Variants in ATR observed in about 807,000 individuals in gnomAD.
The protein encoded by ATR is ATR checkpoint kinase.
A neutral mutation model predicts 305.3 loss-of-function variants in ATR; 142 were observed. That is an observed-to-expected ratio of 0.47 (90% CI 0.41 to 0.53). ATR has a LOEUF of 0.53. Among genes scored for constraint, ATR ranks in the 20% least tolerant of loss-of-function variants. The pLI, the probability that ATR is intolerant of heterozygous loss-of-function variation, is 0.00. For synonymous variants in ATR, 1,050 were observed against 1,068.1 expected (o/e 0.98, Z 0.33); for missense variants, 2,135 against 3,133.1 (o/e 0.68, Z 7.60).
intron 35 of ATR, among the ~76,000 whole-genome samples, chr3:142,487,365 C>T (rs1255635969): frequency 2.0e-5 from 3 of 152,114 alleles, no homozygotes; most frequent in South Asian, 2.1e-4. Flanking sequence ...TTGAACTCCT[C>T]AGCTCAAGCA....
intron 46 of ATR, chr3:142,452,718 T>C: frequency 9.4e-7 from 1 of 1,064,440 alleles, no homozygotes; most frequent in Non-Finnish European, 1.1e-6. Context: ...ACAACAAAAC[T>C]ATCTGCAAAC....
chr3:142,455,987 T>C (rs945114181), intron 45 of ATR, among the ~76,000 whole-genome samples: 7 of 152,176 alleles, frequency 4.6e-5, no homozygotes, highest in African/African-American at 1.7e-4. Flanking sequence ...GAAAATCATA[T>C]CTTAAAAGGT....
chr3:142,538,757 A>G, intron 18 of ATR, 132 bp from the exon 19 acceptor site: 2 of 1,178,874 alleles, frequency 1.7e-6, no homozygotes, highest in South Asian at 2.7e-5. Context: ...AACATGGAAT[A>G]AAGATCAGTG....
At chr3:142,553,615 AG>A (rs2108464181) in intron 12 of ATR, 24 bp downstream of exon 12, 1 of 1,569,586 alleles carries the variant, frequency 6.4e-7, no homozygotes, top group Non-Finnish European at 8.7e-7. Flanking sequence ...TAAATAAGGA[AG>A]AACACAAATG....
intron 23 of ATR, among the ~76,000 whole-genome samples, chr3:142,520,319 CAT>C (rs1275471217): frequency 6.6e-6 from 1 of 151,998 alleles, no homozygotes; most frequent in Non-Finnish European, 1.5e-5. Context: ...TCTAAGTATA[CAT>C]ATGAAAGGAG....
intron 24 of ATR, among the ~76,000 whole-genome samples, chr3:142,517,301 C>A (rs2032907609): frequency 6.6e-6 from 1 of 150,508 alleles, no homozygotes; most frequent in Non-Finnish European, 1.5e-5. Context: ...CTCCCAAATA[C>A]AGCCATCCTT....
At chr3:142,530,262 C>T (rs1046801640) in intron 21 of ATR, among the ~76,000 whole-genome samples, 3 of 152,042 alleles carry the variant, frequency 2.0e-5, no homozygotes, top group African/African-American at 4.8e-5. Context: ...CAATCACCCT[C>T]GTTTCATCTT....
rs2032621491 is a variant in ATR, at chr3:142,512,352, T to A, written c.4760A>T (p.His1587Leu). ...STQTVFSMLD[H>L]LTQWARHKFQ... ...TTTGTGCCTTGCCCACTGTGTGAGATGGTCAAGCATGGAGAACACAGTCTG... is the reference window on the plus strand; with the variant it reads ...TTTGTGCCTTGCCCACTGTGTGAGAAGGTCAAGCATGGAGAACACAGTCTG... The change falls in exon 27 of 47, where the codon CAT becomes CTT. Residue 1587 changes from histidine (H) to leucine (L), a missense_variant. Physicochemically the swap from His to Leu is moderately conservative, Grantham distance 99 (BLOSUM62 -3). Coordinates refer to ENST00000350721, the MANE Select transcript of ATR (RefSeq NM_001184.4). 1.9e-6 allele frequency: 3 copies of A among 1,613,872 alleles called. No individual in the cohort carries two copies. In the Admixed American group the frequency reaches 5.0e-5, roughly 27 times the overall value.
At chr3:142,538,368 G>T in intron 19 of ATR, 114 bp downstream of exon 19, 1 of 1,177,150 alleles carries the variant, frequency 8.5e-7, no homozygotes, top group Non-Finnish European at 1.2e-6. Flanking sequence ...TTTGTTTATT[G>T]ATAAACCCTG....
At chr3:142,544,621 CAAAA>C (rs71153972) in intron 16 of ATR, among the ~76,000 whole-genome samples, 1 of 83,590 alleles carries the variant, frequency 1.2e-5, no homozygotes, top group Admixed American at 1.3e-4. Flanking sequence ...AAGAAAGGAG[CAAAA>C]AAAAAAAAAA....
intron 28 of ATR, 151 bp from the exon 29 acceptor site, chr3:142,505,454 A>G (rs2032188389): frequency 1.2e-5 from 11 of 890,732 alleles, no homozygotes; most frequent in Admixed American, 2.4e-5. Flanking sequence ...GCAAAGTCAC[A>G]GTAAAATTAT....
intron 18 of ATR, 50 bp downstream of exon 18, chr3:142,540,854 C>T (rs1327602122): frequency 1.9e-6 from 3 of 1,540,812 alleles, no homozygotes; most frequent in Non-Finnish European, 2.6e-6. Context: ...GTTAGTGCTA[C>T]TGGAAAATGC....
At chr3:142,557,126 A>T (rs2108474077) in intron 8 of ATR, among the ~76,000 whole-genome samples, 1 of 152,122 alleles carries the variant, frequency 6.6e-6, no homozygotes, top group Non-Finnish European at 1.5e-5. Context: ...TCTGATCAGT[A>T]GGTCTGGGTG....
In ATR at chr3:142,512,609, C is replaced by A. The variant is rs991353416; in HGVS notation, c.4642-139G>T. 1.8e-5 allele frequency: 12 copies of A among 680,066 alleles called. No individual in the cohort carries two copies. The African/African-American group carries it at 2.2e-4, about 13-fold the overall frequency. The allele number at this position is 680,066 out of a possible 1,614,324, so 42.1% of individuals were successfully genotyped here. ...TGGCCAGGCATGTTGGCCTGTAATC[C>A]CAGCACTTTGGGAGGCTGAGGCAGC... On this transcript the variant is annotated intron_variant, in intron 26 of 46. Transcript: ENST00000350721.
At chr3:142,560,972 T>G (rs1427738492) in intron 5 of ATR, among the ~76,000 whole-genome samples, 1 of 152,208 alleles carries the variant, frequency 6.6e-6, no homozygotes, top group Non-Finnish European at 1.5e-5. Context: ...AAATTGCTAA[T>G]AGATGCACAG....
At chr3:142,486,011 G>A (rs2030897498) in intron 35 of ATR, among the ~76,000 whole-genome samples, 1 of 152,176 alleles carries the variant, frequency 6.6e-6, no homozygotes, top group Non-Finnish European at 1.5e-5. Context: ...CTTGACTTCT[G>A]TGAGGCCACC....
At chr3:142,457,555 AT>A (rs1413854551) in intron 45 of ATR, 48 bp downstream of exon 45, 1 of 1,609,500 alleles carries the variant, frequency 6.2e-7, no homozygotes, top group Non-Finnish European at 8.5e-7. Context: ...GGGGCCAATA[AT>A]TATATTCGAG....
intron 1 of ATR, among the ~76,000 whole-genome samples, chr3:142,573,793 CT>C: frequency 6.6e-6 from 1 of 152,230 alleles, no homozygotes; most frequent in East Asian, 1.9e-4. Context: ...CACTGTGTAT[CT>C]TATATTTACA....
intron 21 of ATR, among the ~76,000 whole-genome samples, chr3:142,532,279 T>C (rs1020753073): frequency 1.1e-4 from 16 of 152,252 alleles, no homozygotes; most frequent in African/African-American, 3.9e-4. Flanking sequence ...TCTTCTCTTA[T>C]GTGTAAACGT....
Sources: allele counts gnomAD v4.1 joint callset (sites outside exome capture counted in the v4.1 genomes callset), GRCh38; gene constraint gnomAD v4.1.1; transcripts MANE v1.5; gene names NCBI Gene and HGNC (gene_info 2026-07-23, HGNC 2026-07-21).